The following CLEC12B variants were observed in gnomAD, a reference collection of about 807,000 sequenced individuals.
The protein encoded by CLEC12B is C-type lectin domain family 12 member B, also known as macrophage antigen h.
A neutral mutation model predicts 36.1 loss-of-function variants in CLEC12B; 25 were observed. The ratio of observed to expected loss-of-function variants is 0.69; its 90% CI spans 0.50 to 0.97. The LOEUF is 0.97. CLEC12B is among the 50% of genes least tolerant of loss of function. The probability of loss-of-function intolerance (pLI) is 0.00; values close to 1 mark genes in which losing one functional copy is unlikely to be tolerated. For missense variants in CLEC12B, 325 were observed against 318.4 expected, an observed-to-expected ratio of 1.02 and a Z score of -0.16; for synonymous variants, 110 against 108.5, an observed-to-expected ratio of 1.01 and a Z score of -0.09.
chr12:10,015,983 A>G, intron 5 of CLEC12B: 22 of 1,185,526 alleles, frequency 1.9e-5, no homozygotes, highest in Non-Finnish European at 2.3e-5. Context: ...CTACATTCAA[A>G]GTATTTTATA....
In CLEC12B at chr12:10,015,387, T is replaced by TA; in HGVS notation, c.546dup (p.Asp183ArgfsTer47). 1 of 1,612,430 alleles carries TA rather than the reference T, an allele frequency of 6.2e-7. No individual in the cohort carries two copies. ...GACAAGAACTCCACCCTAGTGAAGA[T>TA]AGACAGTTTGGAAGAAAAGGTAGGA... On this transcript the variant is annotated frameshift_variant, in exon 4 of 6. Transcript: ENST00000338896. LOFTEE classifies it high-confidence loss of function.
upstream of CLEC12B, chr12:10,010,561 A>G (rs1360384047): frequency 4.4e-6 from 2 of 456,132 alleles, no homozygotes; most frequent in East Asian, 3.9e-5. Context: ...GAATATCTCT[A>G]AGGAGAATAT....
At chr12:10,010,128 C>T (rs1165550461), upstream of CLEC12B, among the ~76,000 whole-genome samples, 1 of 151,908 alleles carries the variant, frequency 6.6e-6, no homozygotes, top group African/African-American at 2.4e-5. Flanking sequence ...TCAGTTTCTT[C>T]TCCATGCTCC....
upstream of CLEC12B, among the ~76,000 whole-genome samples, chr12:10,010,073 A>C (rs1865286574): frequency 6.6e-6 from 1 of 152,138 alleles, no homozygotes; most frequent in Non-Finnish European, 1.5e-5. Flanking sequence ...CCATGCCAGA[A>C]GAGGGCACTC....
At chr12:10,014,807 T>G in intron 3 of CLEC12B, 66 bp downstream of exon 3, 1 of 1,064,896 alleles carries the variant, frequency 9.4e-7, no homozygotes. Context: ...GTTGATCACA[T>G]GTACCACCTA....
chr12:10,014,883 A>G (rs1865440312), intron 3 of CLEC12B, 142 bp downstream of exon 3: 8 of 645,644 alleles, frequency 1.2e-5, no homozygotes, highest in Non-Finnish European at 1.9e-5. Context: ...TACACACAGC[A>G]AGGAAATATA....
At chr12:10,010,362 G>C (rs1211362034), upstream of CLEC12B, among the ~76,000 whole-genome samples, 1 of 152,160 alleles carries the variant, frequency 6.6e-6, no homozygotes, top group Non-Finnish European at 1.5e-5. Flanking sequence ...AGGCAGATTA[G>C]CTAGCCTTAG....
intron 5 of CLEC12B, chr12:10,017,188 A>G: frequency 2.0e-6 from 2 of 985,394 alleles, no homozygotes; most frequent in Non-Finnish European, 2.4e-6. Flanking sequence ...AATCACCATT[A>G]TTAATCATAT....
intron 1 of CLEC12B, among the ~76,000 whole-genome samples, chr12:10,011,285 G>A (rs1865321823): frequency 6.6e-6 from 1 of 152,196 alleles, no homozygotes; most frequent in East Asian, 1.9e-4. Context: ...AGATGAGTGA[G>A]TGGATTAGAA....
Position 10,014,751 on chromosome 12 carries a change from C to G in CLEC12B, c.409+10C>G. The G allele has an allele frequency of 6.3e-7, 1 of 1,592,974 alleles. No homozygotes were observed. The highest frequency in any genetic ancestry group is 8.6e-7 in the Non-Finnish European group (1 of 1,161,268). Reference sequence around the variant, plus strand: ...ATCATTCATACTTCAGGTAATCAGACTTAGTCCTGCTGACCAGTCAGATGG... The same window carrying G: ...ATCATTCATACTTCAGGTAATCAGAGTTAGTCCTGCTGACCAGTCAGATGG... On this transcript the variant is annotated intron_variant, in intron 3 of 5. Transcript: ENST00000338896.
chr12:10,007,144 T>G (rs1865239494), upstream of CLEC12B, among the ~76,000 whole-genome samples: 1 of 152,008 alleles, frequency 6.6e-6, no homozygotes, highest in Non-Finnish European at 1.5e-5. Flanking sequence ...GGGAAGATCA[T>G]AGAGAAATTT....
At chr12:10,006,292 A>T (rs1865223849), upstream of CLEC12B, among the ~76,000 whole-genome samples, 1 of 152,190 alleles carries the variant, frequency 6.6e-6, no homozygotes, top group Admixed American at 6.5e-5. Flanking sequence ...TATGCCAAGA[A>T]TCCATTCAGA....
Position 10,014,636 on chromosome 12 carries a change from T to C in CLEC12B, c.304T>C (p.Leu102=), listed in dbSNP as rs1357375035. Residue 102 remains leucine (L), a synonymous_variant, in exon 3 of 6, where the codon TTG becomes CTG. Coordinates refer to ENST00000338896, the MANE Select transcript of CLEC12B (RefSeq NM_001129998.3). ...CCAGCAACTGGGCAACTCCAACAAC[T>C]TGTCCATGGAGGAGGAATTTCTCAA... ...LSQQLGNSNN[L]SMEEEFLKSQ... 6.2e-7 allele frequency: 1 copy of C among 1,613,690 alleles called. No homozygotes were observed. The highest frequency in any genetic ancestry group is 8.5e-7 in the Non-Finnish European group (1 of 1,179,668).
chr12:10,017,078 G>C (rs529592730), intron 5 of CLEC12B: 1 of 985,188 alleles, frequency 1.0e-6, no homozygotes, highest in Non-Finnish European at 1.2e-6. Context: ...CACAAACAAT[G>C]GTAGGTCTAT....
Position 10,014,722 on chromosome 12 carries a change from G to C in CLEC12B, c.390G>C (p.Glu130Asp). Residue 130 changes from glutamate (E) to aspartate (D), a missense_variant, in exon 3 of 6, where the codon GAG becomes GAC. Physicochemically the swap from Glu to Asp is conservative, Grantham distance 45. Transcript: ENST00000338896. Reference sequence around the variant, plus strand: ...AAATGGCCATCAAACTGTGCCAAGAGCTAATCATTCATACTTCAGGTAATC... The same window carrying C: ...AAATGGCCATCAAACTGTGCCAAGACCTAATCATTCATACTTCAGGTAATC... The part of the protein sequence containing the change: ...QEQMAIKLCQ[E>D]LIIHTSDHRC... 2 of 1,612,900 alleles carry C rather than the reference G, an allele frequency of 1.2e-6. No individual in the cohort carries two copies. The highest frequency in any genetic ancestry group is 1.7e-6 in the Non-Finnish European group (2 of 1,179,066).
chr12:10,018,031 A>T, intron 5 of CLEC12B: 1 of 867,852 alleles, frequency 1.2e-6, no homozygotes, highest in Non-Finnish European at 1.4e-6. Context: ...AACTGATTAG[A>T]TTTCATTAAT....
intron 1 of CLEC12B, 139 bp downstream of exon 1, chr12:10,010,989 A>G: frequency 1.8e-6 from 1 of 560,348 alleles, no homozygotes; most frequent in Non-Finnish European, 3.2e-6. Context: ...TGTGGAATGT[A>G]TTAGAAAAGT....
At chr12:10,011,459 C>A (rs576212034) in intron 1 of CLEC12B, among the ~76,000 whole-genome samples, 175 of 152,014 alleles carry the variant, frequency 1.2e-3, no homozygotes, top group African/African-American at 4.0e-3. Context: ...CAATAATATT[C>A]GAATATTAGT....
chr12:10,006,464 G>GT (rs764007192), upstream of CLEC12B, among the ~76,000 whole-genome samples: 3,525 of 147,436 alleles, frequency 0.024, 57 homozygotes, highest in Non-Finnish European at 0.037. Flanking sequence ...TAAGTTTTTT[G>GT]TTTTTTTTTT....
Sources: allele counts gnomAD v4.1 joint callset (sites outside exome capture counted in the v4.1 genomes callset), GRCh38; gene constraint gnomAD v4.1.1; transcripts MANE v1.5; gene names NCBI Gene and HGNC (gene_info 2026-07-23, HGNC 2026-07-21).